Variants in INTS11 observed in about 807,000 individuals in gnomAD.
The protein encoded by INTS11 is CPSF3-like protein.
In INTS11, 77 loss-of-function variants were observed where a neutral mutation model predicts 78.6. The ratio of observed to expected loss-of-function variants is 0.98; its 90% CI spans 0.81 to 1.18. The LOEUF (loss-of-function observed/expected upper bound fraction) is 1.18. Ranked by LOEUF, INTS11 falls within the 50% of genes most tolerant of loss-of-function variation. The pLI is 0.00. For missense variants in INTS11, 875 were observed against 825.9 expected, an observed-to-expected ratio of 1.06 and a Z score of -0.73; for synonymous variants, 441 against 326.9, an observed-to-expected ratio of 1.35 and a Z score of -3.77.
At chr1:1,312,723 G>A in intron 12 of INTS11, 23 bp from the exon 13 acceptor site, 2 of 1,589,196 alleles carry the variant, frequency 1.3e-6, no homozygotes, top group South Asian at 1.1e-5. Flanking sequence ...GGAAGAGAGA[G>A]CCTCAGCCCA....
At chr1:1,318,835 T>C in intron 4 of INTS11, 1 of 614,244 alleles carries the variant, frequency 1.6e-6, no homozygotes, top group Non-Finnish European at 3.0e-6. Context: ...GAAATGGAAT[T>C]TCACCTGTCA....
In INTS11 at chr1:1,322,339, A is replaced by C. The variant is rs573953005; in HGVS notation, c.29-1246T>G. On this transcript the variant is annotated intron_variant, in intron 1 of 16. Coordinates refer to ENST00000435064, the MANE Select transcript of INTS11 (RefSeq NM_017871.6). ...AAAGGTGCGGGAATAGAGCCTGGAG[A>C]TACACGAGGGGACAGGGCTCAGAAG... is the stretch of plus-strand genomic sequence containing the variant. Among the ~76,000 whole-genome samples the C allele has an allele frequency of 2.1e-3, 315 of 151,186 alleles. 2 individuals are homozygous for C. Among genetic ancestry groups the C allele is most frequent in the African/African-American group, 7.3e-3 (298 of 41,100 alleles).
At chr1:1,318,980 C>A (rs1389835943) in intron 4 of INTS11, 1 of 717,308 alleles carries the variant, frequency 1.4e-6, no homozygotes, top group Non-Finnish European at 2.6e-6. Context: ...TCTCTGGCCG[C>A]TCCAAGCGCT....
intron 1 of INTS11, among the ~76,000 whole-genome samples, chr1:1,321,542 T>C (rs145444266): frequency 6.6e-5 from 10 of 152,290 alleles, no homozygotes; most frequent in African/African-American, 2.4e-4. Context: ...AGGCAGTAAG[T>C]GACTAAGTGC....
chr1:1,315,943 G>A (rs112466538), intron 4 of INTS11, among the ~76,000 whole-genome samples: 2,833 of 152,280 alleles, frequency 0.019, 101 homozygotes, highest in African/African-American at 0.064. Flanking sequence ...GACAAAGAAC[G>A]AAAGACAACG....
chr1:1,315,895 C>T (rs1400071754), intron 4 of INTS11, among the ~76,000 whole-genome samples: 2 of 151,914 alleles, frequency 1.3e-5, no homozygotes, highest in Non-Finnish European at 2.9e-5. Context: ...CCCTGTTGCT[C>T]ACACACAGCA....
At position 1,314,370 on chromosome 1, in the gene INTS11, G is replaced by T. The variant is rs1642442746; in HGVS notation, c.703-5C>A. 3.1e-6 allele frequency: 5 copies of T among 1,604,320 alleles called. No homozygotes were observed. Among genetic ancestry groups the T allele is most frequent in the Non-Finnish European group, 4.3e-6 (5 of 1,175,864 alleles). On this transcript the variant is annotated splice_polypyrimidine_tract_variant and splice_region_variant and intron_variant, in intron 7 of 16. Transcript: ENST00000435064. This position sits in a 1 kb window ranked among gnomAD's most constrained non-coding sequence, Gnocchi z 4.2. ...CGCGAACACAGGTATCAGCACCTGA[G>T]GGGGACACAAGGCAGGAGCCCTGGG...
At chr1:1,318,822 T>G (rs1414080047) in intron 4 of INTS11, 1 of 610,614 alleles carries the variant, frequency 1.6e-6, no homozygotes. Context: ...ATAATCTTTG[T>G]CAGAAATGGA....
chr1:1,321,845 A>G, intron 1 of INTS11: 1 of 1,201,014 alleles, frequency 8.3e-7, no homozygotes, highest in Non-Finnish European at 1.1e-6. Context: ...CGGCCCCTGC[A>G]CAGACTGTGC....
rs1394785690 is a variant in INTS11 at position 1,314,555 on chromosome 1, C to CGCATGAGAGACAGAAGGGAGCT, written c.703-212_703-191dup. ...AGCCGTATGAGAGACAGGAGGGAGCCGCATGAGAGACAGAAGGGAGCTGCA... is the reference window on the plus strand; with the variant it reads ...AGCCGTATGAGAGACAGGAGGGAGCCGCATGAGAGACAGAAGGGAGCTGCATGAGAGACAGAAGGGAGCTGCA... On this transcript the variant is annotated intron_variant, in intron 7 of 16. Transcript: ENST00000435064. The surrounding 1 kb of genome is among the most constrained non-coding windows in gnomAD (Gnocchi z 4.2). 1.6e-5 allele frequency: 10 copies of CGCATGAGAGACAGAAGGGAGCT among 639,096 alleles called. No homozygotes were observed. The highest frequency in any genetic ancestry group is 2.4e-5 in the Non-Finnish European group (9 of 372,206). The allele number at this position is 639,096 out of a possible 1,614,324, so 39.6% of individuals were successfully genotyped here.
chr1:1,312,010 C>T lies in INTS11; in HGVS notation c.1737+8G>A. The T allele has an allele frequency of 1.9e-6, 3 of 1,583,130 alleles. No homozygotes were observed. The highest frequency in any genetic ancestry group is 1.7e-6 in the Non-Finnish European group (2 of 1,165,020). ...GTTGACCGCGGTGGGGTGGGGGTCA[C>T]CCCTTACCTGGTAGGTCCAGGAGAC... On this transcript the variant is annotated splice_region_variant and intron_variant, in intron 16 of 16. Coordinates refer to ENST00000435064, the MANE Select transcript of INTS11 (RefSeq NM_017871.6).
intron 6 of INTS11, 134 bp downstream of exon 6, chr1:1,315,264 AACGAAG>A: frequency 9.4e-7 from 1 of 1,068,380 alleles, no homozygotes; most frequent in Non-Finnish European, 1.4e-6. Context: ...TTGGGCCCAG[AACGAAG>A]GGGGCTCTCC....
chr1:1,318,180 A>C (rs985706089), intron 4 of INTS11, among the ~76,000 whole-genome samples: 1 of 152,118 alleles, frequency 6.6e-6, no homozygotes, highest in African/African-American at 2.4e-5. Flanking sequence ...AAGGCAAATA[A>C]AAATTGACAG....
At chr1:1,322,104 A>C (rs1642981171) in intron 1 of INTS11, 1 of 573,266 alleles carries the variant, frequency 1.7e-6, no homozygotes, top group East Asian at 3.5e-5. Flanking sequence ...ACCCCAAGCC[A>C]CGCCAGGCTC....
chr1:1,315,550 A>C lies in INTS11; in HGVS notation c.498T>G (p.Ile166Met). ...GHVLGAAMFQ[I>M]KVGSESVVYT... ...AGACCACAGACTCTGAGCCCACTTT[A>C]ATCTGGAACATGGCTGCCCCCAGCA... Residue 166 changes from isoleucine to methionine, a missense_variant, in exon 5 of 17, where the codon ATT becomes ATG. Physicochemically the swap from Ile to Met is conservative, Grantham distance 10. Coordinates refer to ENST00000435064, the MANE Select transcript of INTS11 (RefSeq NM_017871.6). The C allele has an allele frequency of 6.2e-7, 1 of 1,612,592 alleles. No individual in the cohort carries two copies. The highest frequency in any genetic ancestry group is 8.5e-7 in the Non-Finnish European group (1 of 1,179,772).
chr1:1,312,920 C>T lies in INTS11; in HGVS notation c.1161G>A (p.Met387Ile). 1.9e-6 allele frequency: 3 copies of T among 1,612,372 alleles called. No individual in the cohort carries two copies. The highest frequency in any genetic ancestry group is 2.5e-6 in the Non-Finnish European group (3 of 1,179,642). The change falls in exon 12 of 17, where the codon ATG becomes ATA. Residue 387 changes from methionine to isoleucine, a missense_variant. Transcript: ENST00000435064. The stretch of plus-strand genomic sequence containing the variant: ...TGGCGTCCGCGTGTGCGCTGAATGA[C>T]ATGTACTCCACCTGCATCTTGACCT... ...VLEVKMQVEYMSFSAHADAKG... is the reference protein window; with the variant it reads ...VLEVKMQVEYISFSAHADAKG...
Position 1,312,654 on chromosome 1 carries a change from G to A in INTS11, c.1341C>T (p.Pro447=). 2 of 1,594,472 alleles carry A rather than the reference G, an allele frequency of 1.3e-6. No homozygotes were observed. The highest frequency in any genetic ancestry group is 1.7e-6 in the Non-Finnish European group (2 of 1,167,364). ...TGCCTACGGGGATGCTGGGGCTTGT[G>A]GGCAGCGTCACCGTCTCGCCATTGG... ...MPANGETVTL[P]TSPSIPVGIS... Residue 447 remains proline (P), a synonymous_variant, in exon 13 of 17, where the codon CCC becomes CCT. Transcript: ENST00000435064.
At chr1:1,315,063 C>A in intron 6 of INTS11, 101 bp from the exon 7 acceptor site, 1 of 1,431,508 alleles carries the variant, frequency 7.0e-7, no homozygotes, top group Non-Finnish European at 9.6e-7. Context: ...CAGCCGCCTT[C>A]CTAGGTCACT....
At chr1:1,313,279 T>G (rs1425720880) in intron 10 of INTS11, 155 bp from the exon 11 acceptor site, 3 of 974,704 alleles carry the variant, frequency 3.1e-6, no homozygotes, top group African/African-American at 1.6e-5. Flanking sequence ...GCTCAGGTTT[T>G]GGCACAAGAC....
Sources: allele counts gnomAD v4.1 joint callset (sites outside exome capture counted in the v4.1 genomes callset), GRCh38; gene constraint gnomAD v4.1.1; non-coding constraint Gnocchi (gnomAD v3.1); transcripts MANE v1.5; gene names NCBI Gene and HGNC (gene_info 2026-07-23, HGNC 2026-07-21).